The following NRXN3 variants were observed in gnomAD, a reference collection of about 807,000 sequenced individuals.
NRXN3 encodes neurexin 3.
NRXN3 carries 32 observed loss-of-function variants against 137.6 expected under a neutral mutation model. The observed-to-expected ratio is 0.23, with a 90% CI of 0.18 to 0.31. The LOEUF is 0.31. Ranked by LOEUF, NRXN3 falls within the 10% of genes least tolerant of loss-of-function variation. The pLI, the probability that NRXN3 is intolerant of heterozygous loss-of-function variation, is 1.00. For missense variants in NRXN3, 1,574 were observed against 2,062.5 expected (o/e 0.76, Z 4.59); for synonymous variants, 798 against 784.5 (o/e 1.02, Z -0.29).
intron 4 of NRXN3, among the ~76,000 whole-genome samples, chr14:78,630,034 C>T (rs1427340050): frequency 6.6e-6 from 1 of 152,054 alleles, no homozygotes; most frequent in African/African-American, 2.4e-5. Flanking sequence ...TATTTTTTAC[C>T]TTCTGACATC....
chr14:79,595,787 C>A (rs1046520615), intron 16 of NRXN3, among the ~76,000 whole-genome samples: 2 of 152,084 alleles, frequency 1.3e-5, no homozygotes, highest in African/African-American at 4.8e-5. Context: ...TTTAACATTT[C>A]TTTGTACAGT....
intron 10 of NRXN3, among the ~76,000 whole-genome samples, chr14:78,922,590 C>G (rs567186529): frequency 1.3e-5 from 2 of 152,188 alleles, no homozygotes; most frequent in East Asian, 3.9e-4. Flanking sequence ...TAATAGTGTT[C>G]TTCAGGAACA....
rs1262439737 is a variant in NRXN3 at position 78,523,948 on chromosome 14, TTCCTTTCAATTTCAGTGCG to T, written c.758-121163_758-121145del. Among the ~76,000 whole-genome samples, 45 of 152,158 alleles carry T rather than the reference TTCCTTTCAATTTCAGTGCG, an allele frequency of 3.0e-4. No individual in the cohort carries two copies. The East Asian group carries it at 6.8e-3, about 23-fold the overall frequency. On this transcript the variant is annotated intron_variant, in intron 4 of 20. Transcript: ENST00000335750. Reference sequence around the variant, plus strand: ...TGGAGAAAGCCATACTCAAATGAATTTCCTTTCAATTTCAGTGCGTCCTTTCACTACAAAACAGCCCAAT... The same window carrying T: ...TGGAGAAAGCCATACTCAAATGAATTTCCTTTCACTACAAAACAGCCCAAT...
intron 15 of NRXN3, among the ~76,000 whole-genome samples, chr14:79,230,040 CATA>C (rs1210030453): frequency 6.6e-6 from 1 of 152,046 alleles, no homozygotes; most frequent in African/African-American, 2.4e-5. Flanking sequence ...AGAGGTGAGC[CATA>C]ATGAGGCTCA....
intron 4 of NRXN3, among the ~76,000 whole-genome samples, chr14:78,327,540 G>A (rs1024245312): frequency 3.9e-5 from 6 of 152,114 alleles, no homozygotes; most frequent in East Asian, 3.8e-4. Context: ...TGAACTCAAC[G>A]CATTACTTTA....
intron 20 of NRXN3, among the ~76,000 whole-genome samples, chr14:79,835,731 C>T (rs770580740): frequency 6.6e-6 from 1 of 152,152 alleles, no homozygotes; most frequent in Non-Finnish European, 1.5e-5. Flanking sequence ...GGAATATGGC[C>T]ATTGCCCTGG....
chr14:78,719,839 C>G (rs2098451466), intron 8 of NRXN3, among the ~76,000 whole-genome samples: 1 of 151,710 alleles, frequency 6.6e-6, no homozygotes. Context: ...GACTCCGTCT[C>G]AAGAAAAAGA....
At chr14:79,303,548 A>G (rs1050023780) in intron 15 of NRXN3, among the ~76,000 whole-genome samples, 11 of 152,096 alleles carry the variant, frequency 7.2e-5, no homozygotes, top group South Asian at 2.1e-4. Context: ...ATAATTTACT[A>G]TTTTTTAGAC....
chr14:78,764,706 A>C (rs1344215809), intron 8 of NRXN3, among the ~76,000 whole-genome samples: 1 of 152,138 alleles, frequency 6.6e-6, no homozygotes, highest in Non-Finnish European at 1.5e-5. Flanking sequence ...AGCAGAGGGG[A>C]AATGCGTGGT....
At chr14:78,220,616 G>T (rs1355120592) in intron 1 of NRXN3, among the ~76,000 whole-genome samples, 1 of 152,130 alleles carries the variant, frequency 6.6e-6, no homozygotes, top group Non-Finnish European at 1.5e-5. Context: ...AGGGAAGAGG[G>T]AAGAGTCCCG....
At chr14:79,375,235 G>GTTTTTTTTTTTT (rs35994648) in intron 15 of NRXN3, among the ~76,000 whole-genome samples, 1 of 129,984 alleles carries the variant, frequency 7.7e-6, no homozygotes. Context: ...GAGTTTTTGT[G>GTTTTTTTTTTTT]TTTTTTTTTT....
At chr14:79,713,976 C>G (rs144478155) in intron 19 of NRXN3, among the ~76,000 whole-genome samples, 2 of 152,204 alleles carry the variant, frequency 1.3e-5, no homozygotes, top group Non-Finnish European at 2.9e-5. Flanking sequence ...GGGTTCCATC[C>G]TACAGTGTTT....
intron 16 of NRXN3, chr14:79,570,642 TC>T (rs1215413057): frequency 1.3e-5 from 2 of 152,210 alleles, no homozygotes; most frequent in Admixed American, 6.5e-5. Flanking sequence ...TTGGAAATTG[TC>T]TTTAATAAAT....
chr14:79,063,219 G>T (rs1418098362), intron 15 of NRXN3, among the ~76,000 whole-genome samples: 2 of 152,178 alleles, frequency 1.3e-5, no homozygotes, highest in Non-Finnish European at 2.9e-5. Flanking sequence ...GTGCCCACAT[G>T]CACTTATCCT....
At chr14:79,741,071 C>T (rs2098961561) in intron 19 of NRXN3, among the ~76,000 whole-genome samples, 1 of 151,928 alleles carries the variant, frequency 6.6e-6, no homozygotes, top group Admixed American at 6.6e-5. Flanking sequence ...TTATATATCC[C>T]TCAGTAGATG....
At chr14:78,993,834 ATTTTTTT>A (rs58170856) in intron 15 of NRXN3, among the ~76,000 whole-genome samples, 825 of 66,810 alleles carry the variant, frequency 0.012, 2 homozygotes, top group African/African-American at 0.028. Context: ...GAGCCTTGAA[ATTTTTTT>A]TTTTTTTTTT....
chr14:79,633,413 C>T (rs1337188668), intron 16 of NRXN3: 1 of 151,724 alleles, frequency 6.6e-6, no homozygotes, highest in Non-Finnish European at 1.5e-5. Context: ...GCCTTGGTTC[C>T]AGTTATTTTT....
intron 15 of NRXN3, among the ~76,000 whole-genome samples, chr14:79,383,699 C>A (rs554125921): frequency 1.3e-4 from 20 of 152,238 alleles, no homozygotes; most frequent in Admixed American, 3.9e-4. Context: ...ACTGTTCACC[C>A]CTTAGCTACT....
chr14:79,508,800 G>T (rs999838883), intron 16 of NRXN3, among the ~76,000 whole-genome samples: 2 of 152,016 alleles, frequency 1.3e-5, no homozygotes, highest in Non-Finnish European at 2.9e-5. Flanking sequence ...TCAATGTTTC[G>T]ACCATGACAT....
Sources: allele counts gnomAD v4.1 joint callset (sites outside exome capture counted in the v4.1 genomes callset), GRCh38; gene constraint gnomAD v4.1.1; transcripts MANE v1.5; gene names NCBI Gene and HGNC (gene_info 2026-07-23, HGNC 2026-07-21).